Variants in PCDH9 observed in about 807,000 individuals in gnomAD.
The protein encoded by PCDH9 is protocadherin 9, also known as protocadherin-9.
A neutral mutation model predicts 70.6 loss-of-function variants in PCDH9; 24 were observed. The observed-to-expected ratio is 0.34, with a 90% CI of 0.25 to 0.48. The LOEUF (loss-of-function observed/expected upper bound fraction) is 0.48. Among genes scored for constraint, PCDH9 ranks in the 20% least tolerant of loss-of-function variants. The pLI is 0.99. For synonymous variants in PCDH9, 562 were observed against 558.5 expected, an observed-to-expected ratio of 1.01 and a Z score of -0.09; for missense variants, 1,281 against 1,503.6, an observed-to-expected ratio of 0.85 and a Z score of 2.45.
intron 3 of PCDH9, among the ~76,000 whole-genome samples, chr13:66,687,895 T>C (rs2078427419): frequency 6.6e-6 from 1 of 152,164 alleles, no homozygotes. Flanking sequence ...TGATAGTTCT[T>C]AGAGGATGAA....
At chr13:66,987,526 T>A (rs1176423398) in intron 2 of PCDH9, among the ~76,000 whole-genome samples, 1 of 152,034 alleles carries the variant, frequency 6.6e-6, no homozygotes, top group Non-Finnish European at 1.5e-5. Context: ...CTACGTAATG[T>A]AATATGTATT....
At chr13:67,221,480 T>C (rs1005144685) in intron 2 of PCDH9, 5 of 151,978 alleles carry the variant, frequency 3.3e-5, no homozygotes, top group African/African-American at 1.2e-4. Context: ...CCTCAATATA[T>C]AGAAAAATAT....
At chr13:66,946,117 A>G (rs1433308107) in intron 2 of PCDH9, among the ~76,000 whole-genome samples, 1 of 152,054 alleles carries the variant, frequency 6.6e-6, no homozygotes, top group African/African-American at 2.4e-5. Context: ...TTGACTATAT[A>G]TATTTCTTTC....
intron 3 of PCDH9, among the ~76,000 whole-genome samples, chr13:66,698,644 T>C (rs535524507): frequency 2.0e-5 from 3 of 152,234 alleles, no homozygotes. Context: ...AGTGGTGTGA[T>C]CATAGCTCAC....
intron 3 of PCDH9, among the ~76,000 whole-genome samples, chr13:66,834,562 C>T (rs997201602): frequency 4.6e-5 from 7 of 152,254 alleles, no homozygotes; most frequent in Admixed American, 1.3e-4. Flanking sequence ...AGAATGCTTT[C>T]GAACCCTTGG....
At chr13:66,488,550 T>C (rs1454423066) in intron 4 of PCDH9, among the ~76,000 whole-genome samples, 1 of 152,030 alleles carries the variant, frequency 6.6e-6, no homozygotes, top group South Asian at 2.1e-4. Flanking sequence ...CTCAGCAATT[T>C]ATGTGGAAAA....
intron 3 of PCDH9, among the ~76,000 whole-genome samples, chr13:66,637,660 T>C (rs112512808): frequency 1.8e-4 from 28 of 152,246 alleles, no homozygotes; most frequent in African/African-American, 6.3e-4. Flanking sequence ...ACGCCTGTAT[T>C]CCGAGCACTT....
intron 4 of PCDH9, among the ~76,000 whole-genome samples, chr13:66,628,144 C>T (rs1311858769): frequency 6.6e-6 from 1 of 152,128 alleles, no homozygotes; most frequent in African/African-American, 2.4e-5. Flanking sequence ...CAAAACAAAA[C>T]TTGTCTGTCC....
chr13:66,633,060 TATATC>T (rs1488289063), intron 3 of PCDH9, among the ~76,000 whole-genome samples: 3 of 152,146 alleles, frequency 2.0e-5, no homozygotes, highest in South Asian at 2.1e-4. Context: ...GAAGACAGCC[TATATC>T]CTGTGAGTCA....
chr13:66,840,985 A>T (rs1339932419), intron 3 of PCDH9, among the ~76,000 whole-genome samples: 1 of 152,244 alleles, frequency 6.6e-6, no homozygotes, highest in Non-Finnish European at 1.5e-5. Context: ...TTGGGTACTG[A>T]AAACGGTACC....
intron 2 of PCDH9, among the ~76,000 whole-genome samples, chr13:67,150,456 A>G (rs1460900058): frequency 6.6e-6 from 1 of 152,232 alleles, no homozygotes; most frequent in Non-Finnish European, 1.5e-5. Flanking sequence ...CTGCATTAGT[A>G]GGTAAAAAGG....
intron 4 of PCDH9, among the ~76,000 whole-genome samples, chr13:66,406,261 A>T (rs756059300): frequency 3.3e-5 from 5 of 152,154 alleles, no homozygotes; most frequent in Non-Finnish European, 7.3e-5. Context: ...CAGCTGTGAG[A>T]CTTGGGCAAG....
At chr13:67,202,203 T>C (rs992022797) in intron 2 of PCDH9, 1 of 152,016 alleles carries the variant, frequency 6.6e-6, no homozygotes, top group African/African-American at 2.4e-5. Context: ...CTCCTAAAAA[T>C]TTCTTAGGCA....
intron 3 of PCDH9, among the ~76,000 whole-genome samples, chr13:66,738,725 T>G (rs1444109921): frequency 6.6e-6 from 1 of 151,052 alleles, no homozygotes; most frequent in Admixed American, 6.6e-5. Context: ...TGAGATCAAC[T>G]GGAAGACAGG....
chr13:66,887,028 T>C (rs2082015134), intron 3 of PCDH9, among the ~76,000 whole-genome samples: 1 of 132,408 alleles, frequency 7.6e-6, no homozygotes, highest in Admixed American at 7.9e-5. Flanking sequence ...CACCAACAAA[T>C]ATAATAACAC....
chr13:66,760,186 C>T (rs547884727), intron 3 of PCDH9, among the ~76,000 whole-genome samples: 2 of 152,184 alleles, frequency 1.3e-5, no homozygotes, highest in African/African-American at 4.8e-5. Context: ...TCTCTTCTGC[C>T]CTGTAATGTT....
chr13:67,217,832 G>A (rs1357198705), intron 2 of PCDH9: 2 of 151,946 alleles, frequency 1.3e-5, no homozygotes, highest in Non-Finnish European at 2.9e-5. Context: ...ATGAAGGCCA[G>A]ATCATGGGCA....
intron 3 of PCDH9, among the ~76,000 whole-genome samples, chr13:66,733,294 C>T (rs1022666246): frequency 6.6e-6 from 1 of 152,064 alleles, no homozygotes; most frequent in Non-Finnish European, 1.5e-5. Context: ...CTTAGAACTC[C>T]TCCTTACTGT....
chr13:67,050,315 A>G lies in PCDH9; in HGVS notation c.3037-146710T>C, dbSNP rs367615035. 1.1e-3 allele frequency among the ~76,000 whole-genome samples: 162 copies of G among 151,926 alleles called. 1 individual carries two copies. Among genetic ancestry groups the G allele is most frequent in the African/African-American group, 3.7e-3 (155 of 41,466 alleles). On this transcript the variant is annotated intron_variant, in intron 2 of 4. Coordinates refer to ENST00000377865, the MANE Select transcript of PCDH9 (RefSeq NM_203487.3). ...CCAAACACTCCTGAGCAGGTAGGGG[A>G]AAAAAAATGCAATTTTATCATAATG...
Sources: gnomAD v4.1 joint callset for allele counts (sites outside exome capture counted in the v4.1 genomes callset) on GRCh38, gnomAD v4.1.1 for gene constraint, MANE v1.5 for transcripts, NCBI Gene and HGNC (gene_info 2026-07-23, HGNC 2026-07-21) for gene names.